Variants in TUT4 observed in about 807,000 individuals in gnomAD.
TUT4 encodes terminal uridylyl transferase 4.
TUT4 carries 36 observed loss-of-function variants against 192.2 expected under a neutral mutation model. That is an observed-to-expected ratio of 0.19 (90% CI 0.14 to 0.25). The LOEUF is 0.25. Ranked by LOEUF, TUT4 falls within the 10% of genes least tolerant of loss-of-function variation. The probability of loss-of-function intolerance (pLI) is 1.00; values close to 1 mark genes in which losing one functional copy is unlikely to be tolerated. For missense variants in TUT4, 1,493 were observed against 1,957.2 expected (o/e 0.76, Z 4.47); for synonymous variants, 618 against 666.0 (o/e 0.93, Z 1.11).
intron 27 of TUT4, 90 bp downstream of exon 27, chr1:52,435,275 T>C (rs999242495): frequency 7.8e-6 from 8 of 1,025,670 alleles, no homozygotes. Flanking sequence ...TGGAAGATTG[T>C]ATTAGCCAGT....
intron 16 of TUT4, among the ~76,000 whole-genome samples, chr1:52,464,602 AGT>A (rs892162131): frequency 1.3e-5 from 2 of 152,148 alleles, no homozygotes; most frequent in African/African-American, 4.8e-5. Context: ...ATTTTATGTG[AGT>A]GGTCAAAAAT....
At chr1:52,486,811 T>G (rs929366767) in intron 9 of TUT4, among the ~76,000 whole-genome samples, 4 of 152,164 alleles carry the variant, frequency 2.6e-5, no homozygotes, top group Admixed American at 1.3e-4. Context: ...AGCAACCTTT[T>G]CCAAGAGTCA....
chr1:52,431,095 G>A lies in TUT4; in HGVS notation c.4629C>T (p.Ile1543=), dbSNP rs756551043. The A allele has an allele frequency of 2.0e-5, 32 of 1,614,246 alleles. No homozygotes were observed. In the Admixed American group the frequency reaches 5.3e-4, roughly 27 times the overall value. ...FAQPAARPVA[I]PNTSHDGHWP... is the part of the protein sequence containing the mutation. ...AGTGTCCATCGTGAGACGTGTTAGG[G>A]ATTGCCACAGGTCTGGCAGCAGGCT... Residue 1543 remains isoleucine, a synonymous_variant, in exon 28 of 30, where the codon ATC becomes ATT. Transcript: ENST00000257177.
At chr1:52,478,663 T>C (rs1217159296) in intron 11 of TUT4, among the ~76,000 whole-genome samples, 2 of 152,182 alleles carry the variant, frequency 1.3e-5, no homozygotes, top group Admixed American at 6.5e-5. Context: ...TTAACAATTA[T>C]AGTAAGGGCT....
chr1:52,552,915 G>A lies in TUT4; in HGVS notation c.-94+16C>T, dbSNP rs1689862098. On this transcript the variant is annotated intron_variant, in intron 1 of 29. Coordinates refer to ENST00000257177, the MANE Select transcript of TUT4 (RefSeq NM_001009881.3). Reference sequence around the variant, plus strand: ...CCCTCGGTACCCGACGCTGCCCCGCGGCCGGAACCTCGTACCTGCGAGGCC... The same window carrying A: ...CCCTCGGTACCCGACGCTGCCCCGCAGCCGGAACCTCGTACCTGCGAGGCC... 2 of 153,054 alleles carry A rather than the reference G, an allele frequency of 1.3e-5. No homozygotes were observed. Among genetic ancestry groups the A allele is most frequent in the Admixed American group, 1.3e-4 (2 of 15,290 alleles). 9.5% of individuals were successfully genotyped at this position (153,054 alleles called of 1,614,324 possible).
chr1:52,465,739 T>G (rs1355114965), intron 15 of TUT4, among the ~76,000 whole-genome samples: 3 of 152,226 alleles, frequency 2.0e-5, no homozygotes, highest in Non-Finnish European at 2.9e-5. Flanking sequence ...TACGATGCTC[T>G]TCCAAAAATG....
intron 1 of TUT4, among the ~76,000 whole-genome samples, chr1:52,542,669 ACAT>A (rs1458178128): frequency 6.6e-6 from 1 of 152,250 alleles, no homozygotes; most frequent in Admixed American, 6.5e-5. Flanking sequence ...CCTACAGTAG[ACAT>A]CATACTCAAT....
At chr1:52,478,400 T>TATAG (rs1467718744) in intron 11 of TUT4, among the ~76,000 whole-genome samples, 2 of 152,222 alleles carry the variant, frequency 1.3e-5, no homozygotes, top group African/African-American at 4.8e-5. Flanking sequence ...GAACCTCCTA[T>TATAG]GTCCCTGACA....
In TUT4 at chr1:52,424,022, C is replaced by G. The variant is rs1648926121; in HGVS notation, c.4871-20G>C. ...ATCTGTCTGTTGGATACAACACAGA[C>G]AGGAAACTGAAAGGCTTGTGCCTGT... On this transcript the variant is annotated intron_variant, in intron 29 of 29. Coordinates refer to ENST00000257177, the MANE Select transcript of TUT4 (RefSeq NM_001009881.3). 1.9e-6 allele frequency: 3 copies of G among 1,600,464 alleles called. No individual in the cohort carries two copies. The highest frequency in any genetic ancestry group is 2.6e-6 in the Non-Finnish European group (3 of 1,173,634).
At chr1:52,502,099 T>C (rs1674271555) in intron 4 of TUT4, among the ~76,000 whole-genome samples, 1 of 150,356 alleles carries the variant, frequency 6.7e-6, no homozygotes, top group South Asian at 2.1e-4. Context: ...ATGGTTAAAA[T>C]GGTAAATTTT....
chr1:52,451,193 G>C (rs901859488), intron 20 of TUT4, among the ~76,000 whole-genome samples: 1 of 151,746 alleles, frequency 6.6e-6, no homozygotes, highest in African/African-American at 2.4e-5. Context: ...GTGAACCTGG[G>C]ATGTGGAGCT....
At chr1:52,427,296 C>A (rs983370809) in intron 28 of TUT4, among the ~76,000 whole-genome samples, 1 of 151,936 alleles carries the variant, frequency 6.6e-6, no homozygotes, top group Admixed American at 6.6e-5. Flanking sequence ...TTTGAGGCAG[C>A]ACAGAAGAAG....
intron 3 of TUT4, among the ~76,000 whole-genome samples, chr1:52,511,304 T>C (rs954119528): frequency 2.0e-5 from 3 of 152,216 alleles, no homozygotes; most frequent in Non-Finnish European, 4.4e-5. Flanking sequence ...AATCAGTTCC[T>C]ACTGGAGAAT....
At chr1:52,437,185 A>T (rs1216045641) in intron 25 of TUT4, 1 of 526,710 alleles carries the variant, frequency 1.9e-6, no homozygotes, top group African/African-American at 1.9e-5. Context: ...ATTATATTAA[A>T]TTTTTTAAAA....
chr1:52,499,939 C>T (rs904702951), intron 4 of TUT4, among the ~76,000 whole-genome samples: 1 of 149,554 alleles, frequency 6.7e-6, no homozygotes, highest in East Asian at 1.9e-4. Context: ...CATATATATA[C>T]ATATATATAC....
chr1:52,513,393 CAAAAAAA>C lies in TUT4; in HGVS notation c.882+2491_882+2497del, dbSNP rs554170439. ...GGGCAACCAGAATGAGACCCTGTCTCAAAAAAAAAAAAAAAAAAAAAGTACAATGAAT... is the reference window on the plus strand; with the variant it reads ...GGGCAACCAGAATGAGACCCTGTCTCAAAAAAAAAAAAAAGTACAATGAAT... On this transcript the variant is annotated intron_variant, in intron 3 of 29. Coordinates refer to ENST00000257177, the MANE Select transcript of TUT4 (RefSeq NM_001009881.3). 2.4e-3 allele frequency among the ~76,000 whole-genome samples: 100 copies of C among 42,098 alleles called. 3 individuals carry two copies. The highest frequency in any genetic ancestry group is 0.016 in the African/African-American group (95 of 5,758). The allele number at this position is 42,098 out of a possible 152,430, so 27.6% of individuals were successfully genotyped here.
Position 52,436,997 on chromosome 1 carries a change from G to T in TUT4, c.3939-19C>A. The T allele has an allele frequency of 3.1e-6, 5 of 1,608,584 alleles. No individual in the cohort carries two copies. The highest frequency in any genetic ancestry group is 1.1e-5 in the South Asian group (1 of 90,880). On this transcript the variant is annotated intron_variant, in intron 25 of 29. Coordinates refer to ENST00000257177, the MANE Select transcript of TUT4 (RefSeq NM_001009881.3). The stretch of plus-strand genomic sequence containing the variant: ...TAAACTGCTGATACCAATAATGTGG[G>T]GCTAGGGACTTGTAAATTAAGTGAG...
rs774216854 is a variant in TUT4, at chr1:52,493,651, T to C, written c.1278A>G (p.Pro426=). The C allele has an allele frequency of 6.6e-7, 1 of 1,508,438 alleles. No individual in the cohort carries two copies. Among genetic ancestry groups the C allele is most frequent in the Non-Finnish European group, 9.0e-7 (1 of 1,109,962 alleles). 93.4% of individuals were successfully genotyped at this position (1,508,438 alleles called of 1,614,324 possible). A position where few individuals can be genotyped will look rare whatever the true frequency, so the allele number is the denominator to read the frequency against. Residue 426 remains proline (P), a synonymous_variant, in exon 7 of 30, where the codon CCA becomes CCG. Coordinates refer to ENST00000257177, the MANE Select transcript of TUT4 (RefSeq NM_001009881.3). ...DIKFPPKMNH[P]DLLIKVLGIL... ...TCCCAAGTACTTTTATCAGAAGATC[T>C]GGATGATTCATCTAAAAAAGTTTCA...
At chr1:52,503,059 T>C (rs1295442159) in intron 4 of TUT4, among the ~76,000 whole-genome samples, 1 of 152,222 alleles carries the variant, frequency 6.6e-6, no homozygotes, top group East Asian at 1.9e-4. Flanking sequence ...ACTCCCCAGA[T>C]AGATACTACC....
Sources: gnomAD v4.1 joint callset for allele counts (sites outside exome capture counted in the v4.1 genomes callset) on GRCh38, gnomAD v4.1.1 for gene constraint, MANE v1.5 for transcripts, NCBI Gene and HGNC (gene_info 2026-07-23, HGNC 2026-07-21) for gene names.